Variants in CDH12 observed in about 807,000 individuals in gnomAD.
CDH12 encodes the protein cadherin 12.
Under a neutral mutation model 74.1 loss-of-function variants are expected in CDH12, and 41 were observed. The ratio of observed to expected loss-of-function variants is 0.55; its 90% CI spans 0.43 to 0.72. The LOEUF is 0.72. Ranked by LOEUF, CDH12 falls within the 30% of genes least tolerant of loss-of-function variation. CDH12 has a pLI of 0.00. For missense variants in CDH12, 945 were observed against 977.2 expected (o/e 0.97, Z 0.44); for synonymous variants, 399 against 355.0 (o/e 1.12, Z -1.39).
chr5:22,670,993 A>G (rs1740871209), intron 1 of CDH12, among the ~76,000 whole-genome samples: 1 of 151,938 alleles, frequency 6.6e-6, no homozygotes, highest in Non-Finnish European at 1.5e-5. Flanking sequence ...TAGTTAAGAT[A>G]GGGTTACTAC....
At chr5:22,162,385 T>C (rs1018332931) in intron 4 of CDH12, among the ~76,000 whole-genome samples, 1 of 152,008 alleles carries the variant, frequency 6.6e-6, no homozygotes, top group Non-Finnish European at 1.5e-5. Flanking sequence ...ACTTGGATCC[T>C]GGAGTCTGCA....
intron 1 of CDH12, among the ~76,000 whole-genome samples, chr5:22,747,096 G>T (rs1374935527): frequency 4.6e-5 from 7 of 152,126 alleles, no homozygotes; most frequent in East Asian, 1.9e-4. Flanking sequence ...TCTTGAAAGT[G>T]ATGTGTACTT....
chr5:22,117,175 A>C (rs1332004543), intron 4 of CDH12, among the ~76,000 whole-genome samples: 2 of 150,644 alleles, frequency 1.3e-5, no homozygotes, highest in Non-Finnish European at 3.0e-5. Flanking sequence ...TTTCCATGCC[A>C]CTGTTTAGGT....
chr5:22,112,372 G>A (rs772973370), intron 4 of CDH12, among the ~76,000 whole-genome samples: 5 of 151,736 alleles, frequency 3.3e-5, no homozygotes, highest in African/African-American at 4.8e-5. Flanking sequence ...GTATACATAC[G>A]CACACACATT....
intron 6 of CDH12, among the ~76,000 whole-genome samples, chr5:21,867,955 T>C (rs1323784974): frequency 6.6e-6 from 1 of 152,304 alleles, no homozygotes; most frequent in South Asian, 2.1e-4. Context: ...TGGGTGGTCA[T>C]TGAATCACAG....
At chr5:21,772,035 C>T (rs755734792) in intron 11 of CDH12, among the ~76,000 whole-genome samples, 19 of 152,218 alleles carry the variant, frequency 1.2e-4, no homozygotes, top group Admixed American at 3.9e-4. Flanking sequence ...TGTTCGACTC[C>T]CCTTCCCATC....
chr5:22,822,879 C>T (rs956864421), intron 1 of CDH12, among the ~76,000 whole-genome samples: 2 of 152,098 alleles, frequency 1.3e-5, no homozygotes, highest in South Asian at 2.1e-4. Context: ...CATCCGATTC[C>T]TGGGTATATA....
chr5:21,833,038 T>TATATATTATATGTTATGTAAC (rs1345215627), intron 8 of CDH12, among the ~76,000 whole-genome samples: 7,726 of 67,160 alleles, frequency 0.12, 1,180 homozygotes, highest in East Asian at 0.15. Context: ...TAATATATAA[T>TATATATTATATGTTATGTAAC]ATATAATATA....
At chr5:22,773,434 A>T (rs1260780238) in intron 1 of CDH12, among the ~76,000 whole-genome samples, 1 of 152,176 alleles carries the variant, frequency 6.6e-6, no homozygotes, top group Non-Finnish European at 1.5e-5. Context: ...TGGTGCTGGG[A>T]TAACTGGCTA....
intron 8 of CDH12, among the ~76,000 whole-genome samples, chr5:21,838,732 C>G (rs1240074009): frequency 6.6e-6 from 1 of 152,096 alleles, no homozygotes; most frequent in Non-Finnish European, 1.5e-5. Flanking sequence ...CCGAAAATGA[C>G]CATCTTGTTT....
At chr5:22,786,335 A>G (rs1350907671) in intron 1 of CDH12, among the ~76,000 whole-genome samples, 4 of 152,196 alleles carry the variant, frequency 2.6e-5, no homozygotes, top group African/African-American at 9.6e-5. Flanking sequence ...ATGTAGACAT[A>G]CTGTGTGGGG....
rs190012097 is a variant in CDH12 at position 22,710,756 on chromosome 5, C to T, written c.-523+142302G>A. Among the ~76,000 whole-genome samples, 4 of 152,210 alleles carry T rather than the reference C, an allele frequency of 2.6e-5. No homozygotes were observed. In the East Asian group the frequency reaches 7.7e-4, roughly 29 times the overall value. On this transcript the variant is annotated intron_variant, in intron 1 of 14. Coordinates refer to ENST00000382254, the MANE Select transcript of CDH12 (RefSeq NM_004061.5). ...TTGGTCTTTTGCTTATTCTAGTTGA[C>T]AGCCTCAGTGGAGAGGGCATGGTAC...
At chr5:22,192,209 C>T (rs1750348837) in intron 4 of CDH12, among the ~76,000 whole-genome samples, 1 of 152,156 alleles carries the variant, frequency 6.6e-6, no homozygotes, top group African/African-American at 2.4e-5. Context: ...GCTAGGATTA[C>T]AGGCATGAGT....
At chr5:22,406,970 C>A (rs573746412) in intron 2 of CDH12, among the ~76,000 whole-genome samples, 1 of 151,842 alleles carries the variant, frequency 6.6e-6, no homozygotes, top group African/African-American at 2.4e-5. Flanking sequence ...TAAATCAGAT[C>A]AAATACATTA....
At chr5:22,011,733 G>C (rs1737306013) in intron 5 of CDH12, among the ~76,000 whole-genome samples, 1 of 151,606 alleles carries the variant, frequency 6.6e-6, no homozygotes, top group African/African-American at 2.4e-5. Flanking sequence ...GCAATTATAA[G>C]GCACAAAGTC....
chr5:22,597,767 C>A (rs1365375565), intron 1 of CDH12, among the ~76,000 whole-genome samples: 1 of 152,062 alleles, frequency 6.6e-6, no homozygotes, highest in African/African-American at 2.4e-5. Context: ...AATGCTTTGT[C>A]TATTAGGAGT....
chr5:22,382,819 CATTATTATT>C (rs10567578), intron 3 of CDH12, among the ~76,000 whole-genome samples: 6 of 150,558 alleles, frequency 4.0e-5, no homozygotes, highest in African/African-American at 1.5e-4. Flanking sequence ...TTCATGTTAT[CATTATTATT>C]ATTATTATTA....
intron 9 of CDH12, among the ~76,000 whole-genome samples, chr5:21,803,359 C>G (rs1292047123): frequency 1.3e-5 from 2 of 151,854 alleles, no homozygotes; most frequent in African/African-American, 4.8e-5. Context: ...GTTCTCAGAA[C>G]TGTATATATA....
chr5:22,593,385 T>G (rs750642467), intron 1 of CDH12, among the ~76,000 whole-genome samples: 1 of 152,200 alleles, frequency 6.6e-6, no homozygotes, highest in Non-Finnish European at 1.5e-5. Context: ...AAACTATCAC[T>G]GATTAGCTAC....
Sources: gnomAD v4.1 joint callset for allele counts (sites outside exome capture counted in the v4.1 genomes callset) on GRCh38, gnomAD v4.1.1 for gene constraint, MANE v1.5 for transcripts, NCBI Gene and HGNC (gene_info 2026-07-23, HGNC 2026-07-21) for gene names.